SLC14A2: variants seen among roughly 807,000 people sequenced by gnomAD.
SLC14A2 encodes the protein solute carrier family 14 member 2.
A neutral mutation model predicts 104.6 loss-of-function variants in SLC14A2; 91 were observed. That is an observed-to-expected ratio of 0.87 (90% CI 0.73 to 1.04). The LOEUF is 1.04. Ranked by LOEUF, SLC14A2 falls within the 50% of genes least tolerant of loss-of-function variation. The pLI is 0.00. For missense variants in SLC14A2, 1,189 were observed against 1,156.0 expected, an observed-to-expected ratio of 1.03 and a Z score of -0.41; for synonymous variants, 476 against 466.4, an observed-to-expected ratio of 1.02 and a Z score of -0.27.
At chr18:45,571,816 G>GAAAC in intron 2 of SLC14A2, among the ~76,000 whole-genome samples, 1 of 152,324 alleles carries the variant, frequency 6.6e-6, no homozygotes, top group South Asian at 2.1e-4. Flanking sequence ...ACTGATGTCT[G>GAAAC]AAACAACAGA....
intron 1 of SLC14A2, among the ~76,000 whole-genome samples, chr18:45,294,073 A>G (rs1430079477): frequency 6.6e-6 from 1 of 152,176 alleles, no homozygotes; most frequent in Non-Finnish European, 1.5e-5. Context: ...TAAAAGAGTC[A>G]TTTCTTTTAC....
At chr18:45,251,938 G>A (rs1465665588) in intron 1 of SLC14A2, among the ~76,000 whole-genome samples, 8 of 152,196 alleles carry the variant, frequency 5.3e-5, no homozygotes, top group Non-Finnish European at 4.4e-5. Flanking sequence ...TCCTGGTGTA[G>A]AGTCTGGAGA....
At chr18:45,383,829 CTTCT>C (rs2085865165) in intron 1 of SLC14A2, among the ~76,000 whole-genome samples, 1 of 152,116 alleles carries the variant, frequency 6.6e-6, no homozygotes, top group Non-Finnish European at 1.5e-5. Flanking sequence ...CTTGCCTGGG[CTTCT>C]TTATTTCCTC....
intron 1 of SLC14A2, among the ~76,000 whole-genome samples, chr18:45,400,713 C>T (rs2144450133): frequency 6.6e-6 from 1 of 152,276 alleles, no homozygotes; most frequent in Admixed American, 6.5e-5. Context: ...TTCCATCATT[C>T]CTTCTACAGT....
intron 1 of SLC14A2, among the ~76,000 whole-genome samples, chr18:45,261,824 T>G (rs2084541496): frequency 1.3e-5 from 2 of 152,246 alleles, no homozygotes; most frequent in Non-Finnish European, 2.9e-5. Context: ...ACATTTGGGT[T>G]GGTTCCAAGT....
chr18:45,612,905 T>C (rs1180801650), upstream of SLC14A2, among the ~76,000 whole-genome samples: 3 of 152,242 alleles, frequency 2.0e-5, no homozygotes, highest in African/African-American at 7.2e-5. Flanking sequence ...CCTGCTGCTA[T>C]GTGACAAGGT....
chr18:45,596,850 C>T (rs1232776293), intron 2 of SLC14A2, among the ~76,000 whole-genome samples: 1 of 152,178 alleles, frequency 6.6e-6, no homozygotes, highest in Non-Finnish European at 1.5e-5. Flanking sequence ...GTGGCCTCAC[C>T]AAGATGACAC....
In SLC14A2 at chr18:45,214,216, C is replaced by T. The variant is rs181092338; in HGVS notation, c.-125+1025C>T. Among the ~76,000 whole-genome samples, 10 of 152,306 alleles carry T rather than the reference C, an allele frequency of 6.6e-5. No homozygotes were observed. In the East Asian group the frequency reaches 1.9e-3, roughly 29 times the overall value. Reference sequence around the variant, plus strand: ...TGTAAATGAGAATTGTATAAATTTACTCAACCCGACTCATATCATGAGAAC... The same window carrying T: ...TGTAAATGAGAATTGTATAAATTTATTCAACCCGACTCATATCATGAGAAC... On this transcript the variant is annotated intron_variant, in intron 1 of 20. Coordinates refer to the SLC14A2 transcript ENST00000586448.
chr18:45,250,950 A>T (rs77635462), intron 1 of SLC14A2, among the ~76,000 whole-genome samples: 2 of 152,068 alleles, frequency 1.3e-5, no homozygotes, highest in African/African-American at 4.8e-5. Flanking sequence ...CCTCTGAAAG[A>T]GTTAGCAGAA....
the SLC14A2 span, among the ~76,000 whole-genome samples, chr18:45,194,323 T>C: frequency 2.0e-5 from 3 of 152,324 alleles, no homozygotes; most frequent in Admixed American, 2.0e-4. Flanking sequence ...TTAAGGTTAG[T>C]TGTCGACTTT....
intron 1 of SLC14A2, among the ~76,000 whole-genome samples, chr18:45,258,257 T>C (rs2084500888): frequency 7.9e-6 from 1 of 125,826 alleles, no homozygotes; most frequent in Non-Finnish European, 1.7e-5. Context: ...CTCCTTTCTG[T>C]GATGGGAGGT....
intron 1 of SLC14A2, among the ~76,000 whole-genome samples, chr18:45,430,533 G>A (rs2086497690): frequency 6.6e-6 from 1 of 151,498 alleles, no homozygotes; most frequent in Non-Finnish European, 1.5e-5. Context: ...TCTTTCTGTG[G>A]AAGGGAAGTT....
chr18:45,597,172 C>A lies in SLC14A2; in HGVS notation c.-34-27459C>A, dbSNP rs539587679. 3.9e-5 allele frequency among the ~76,000 whole-genome samples: 6 copies of A among 152,240 alleles called. No homozygotes were observed. The South Asian group carries it at 1.2e-3, about 32-fold the overall frequency. On this transcript the variant is annotated intron_variant, in intron 2 of 20. Transcript: ENST00000586448. The stretch of plus-strand genomic sequence containing the variant: ...GTAAACACCATCTCTACCAAAAATA[C>A]AAAAATTAGCCAGGCGTGGTGGTGT...
intron 17 of SLC14A2, 105 bp downstream of exon 17, chr18:45,673,152 G>A: frequency 9.0e-7 from 1 of 1,105,180 alleles, no homozygotes; most frequent in Non-Finnish European, 1.3e-6. Context: ...TGATTCCTGT[G>A]AACTTTCCCT....
At chr18:45,610,701 C>T (rs2044958842), upstream of SLC14A2, among the ~76,000 whole-genome samples, 1 of 152,222 alleles carries the variant, frequency 6.6e-6, no homozygotes, top group South Asian at 2.1e-4. Context: ...CTTTGCAAAA[C>T]TCTGTAATTC....
At chr18:45,319,042 G>T (rs953400554) in intron 1 of SLC14A2, among the ~76,000 whole-genome samples, 1 of 152,142 alleles carries the variant, frequency 6.6e-6, no homozygotes, top group Non-Finnish European at 1.5e-5. Context: ...CAGTTTCCTT[G>T]CTCCTGCCAG....
chr18:45,315,265 G>T (rs1568148055), intron 1 of SLC14A2, among the ~76,000 whole-genome samples: 1 of 152,156 alleles, frequency 6.6e-6, no homozygotes, highest in Non-Finnish European at 1.5e-5. Context: ...ACCAGAAAAG[G>T]CAGGGTGCAT....
At chr18:45,569,886 C>A (rs2044321844) in intron 2 of SLC14A2, among the ~76,000 whole-genome samples, 1 of 152,214 alleles carries the variant, frequency 6.6e-6, no homozygotes. Context: ...CTTCAGTTTG[C>A]AGCCTACCCC....
chr18:45,547,096 C>A (rs1490939272), intron 2 of SLC14A2, among the ~76,000 whole-genome samples: 1 of 152,092 alleles, frequency 6.6e-6, no homozygotes, highest in Non-Finnish European at 1.5e-5. Context: ...GTCCAGAGCT[C>A]CTTCATGTCC....
Sources: allele counts gnomAD v4.1 joint callset (sites outside exome capture counted in the v4.1 genomes callset), GRCh38; gene constraint gnomAD v4.1.1; transcripts MANE v1.5; gene names NCBI Gene and HGNC (gene_info 2026-07-23, HGNC 2026-07-21).